The following DCLK2 variants were observed in gnomAD, a reference collection of about 807,000 sequenced individuals.
DCLK2 encodes serine/threonine-protein kinase DCLK2.
DCLK2 carries 31 observed loss-of-function variants against 78.4 expected under a neutral mutation model. The observed-to-expected ratio is 0.40, with a 90% CI of 0.30 to 0.53. DCLK2 has a LOEUF of 0.53. DCLK2 is among the 20% of genes least tolerant of loss of function. The probability of loss-of-function intolerance (pLI) is 0.61; values close to 1 mark genes in which losing one functional copy is unlikely to be tolerated. For missense variants in DCLK2, 872 were observed against 973.7 expected (o/e 0.90, Z 1.39); for synonymous variants, 407 against 374.9 (o/e 1.09, Z -0.99).
chr4:150,178,084 A>G (rs1466190407), intron 2 of DCLK2, among the ~76,000 whole-genome samples: 1 of 152,206 alleles, frequency 6.6e-6, no homozygotes, highest in Non-Finnish European at 1.5e-5. Flanking sequence ...ATTACCTTAA[A>G]ATGAAAACAA....
At chr4:150,171,387 G>A (rs895632391) in intron 2 of DCLK2, among the ~76,000 whole-genome samples, 8 of 152,146 alleles carry the variant, frequency 5.3e-5, no homozygotes, top group Admixed American at 3.3e-4. Context: ...AGGCTGAGGC[G>A]GGAGAATGGT....
rs62338173 is a variant in DCLK2 at position 150,121,940 on chromosome 4, G to A, written c.756+19128G>A. 7.1e-3 allele frequency among the ~76,000 whole-genome samples: 1,083 copies of A among 152,206 alleles called. 6 individuals carry two copies. The highest frequency in any genetic ancestry group is 0.012 in the Non-Finnish European group (798 of 67,990). On this transcript the variant is annotated intron_variant, in intron 2 of 15. Coordinates refer to ENST00000296550, the MANE Select transcript of DCLK2 (RefSeq NM_001040260.4). ...TTTGAAATGAATTTTTTTTCCAGTA[G>A]GTCTCAACAGTGGTACTTAAAATAT...
rs375592229 is a variant in DCLK2 at position 150,219,258 on chromosome 4, C to CTTTTTTTTTT, written c.1057-1427_1057-1418dup. Among the ~76,000 whole-genome samples the CTTTTTTTTTT allele has an allele frequency of 8.3e-5, 6 of 72,134 alleles. 1 individual carries two copies. The highest frequency in any genetic ancestry group is 1.3e-4 in the Non-Finnish European group (5 of 37,582). 47.3% of individuals were successfully genotyped at this position (72,134 alleles called of 152,430 possible). Reference sequence around the variant, plus strand: ...TTACATTCAACAGTTCACAAACATTCTTTTTTTTTTTTTTTTTTTTTTTTT... The same window carrying CTTTTTTTTTT: ...TTACATTCAACAGTTCACAAACATTCTTTTTTTTTTTTTTTTTTTTTTTTTTTTTTTTTTT... On this transcript the variant is annotated intron_variant, in intron 5 of 15. Coordinates refer to ENST00000296550, the MANE Select transcript of DCLK2 (RefSeq NM_001040260.4).
intron 12 of DCLK2, among the ~76,000 whole-genome samples, chr4:150,244,900 T>G (rs1196927465): frequency 6.6e-6 from 1 of 152,138 alleles, no homozygotes; most frequent in Non-Finnish European, 1.5e-5. Flanking sequence ...CACTTCCAGC[T>G]TTTTAGCTAT....
chr4:150,078,852 G>A lies in DCLK2; in HGVS notation c.-176G>A, dbSNP rs149724832. On this transcript the variant is annotated 5_prime_UTR_variant, in exon 1 of 16. Coordinates refer to ENST00000296550, the MANE Select transcript of DCLK2 (RefSeq NM_001040260.4). Reference sequence around the variant, plus strand: ...GCTGCGGACACTTTTAGCTGAGGGCGCGGGCGGGTCGGCTCCTCCGCGGCT... The same window carrying A: ...GCTGCGGACACTTTTAGCTGAGGGCACGGGCGGGTCGGCTCCTCCGCGGCT... 7.9e-3 allele frequency: 5,830 copies of A among 740,780 alleles called. 34 individuals are homozygous for A. The highest frequency in any genetic ancestry group is 0.017 in the Middle Eastern group (43 of 2,516). 45.9% of individuals were successfully genotyped at this position (740,780 alleles called of 1,614,324 possible). A position where few individuals can be genotyped will look rare whatever the true frequency, so the allele number is the denominator to read the frequency against.
intron 2 of DCLK2, among the ~76,000 whole-genome samples, chr4:150,173,608 C>G (rs1736717739): frequency 6.6e-6 from 1 of 152,200 alleles, no homozygotes; most frequent in African/African-American, 2.4e-5. Flanking sequence ...GGAAAAGTCT[C>G]CACTTTTGGC....
intron 2 of DCLK2, among the ~76,000 whole-genome samples, chr4:150,189,860 A>G (rs1261872098): frequency 6.6e-6 from 1 of 151,672 alleles, no homozygotes; most frequent in Non-Finnish European, 1.5e-5. Flanking sequence ...GGAATGATGA[A>G]CAGGGAACAC....
Position 150,248,392 on chromosome 4 carries a change from A to G in DCLK2, c.1956+7A>G. The G allele has an allele frequency of 6.2e-7, 1 of 1,612,648 alleles. No individual in the cohort carries two copies. On this transcript the variant is annotated splice_region_variant and intron_variant, in intron 14 of 15. Coordinates refer to ENST00000296550, the MANE Select transcript of DCLK2 (RefSeq NM_001040260.4). ...GAGTCACCCCTGGGTGTCAGTAAGTACCCACATTCCCAGGGAATGGGCCTC... is the reference window on the plus strand; with the variant it reads ...GAGTCACCCCTGGGTGTCAGTAAGTGCCCACATTCCCAGGGAATGGGCCTC...
chr4:150,209,565 C>G (rs1740133777), intron 5 of DCLK2: 1 of 152,170 alleles, frequency 6.6e-6, no homozygotes, highest in Non-Finnish European at 1.5e-5. Context: ...CTGCTTTGGC[C>G]AGATTATTAA....
chr4:150,248,437 A>G, intron 14 of DCLK2, 52 bp downstream of exon 14: 1 of 1,450,790 alleles, frequency 6.9e-7, no homozygotes, highest in Non-Finnish European at 9.7e-7. Flanking sequence ...TGTGGCCAAC[A>G]GCACGGTTCC....
At chr4:150,098,875 T>C (rs879656527) in intron 1 of DCLK2, among the ~76,000 whole-genome samples, 1 of 152,038 alleles carries the variant, frequency 6.6e-6, no homozygotes, top group Non-Finnish European at 1.5e-5. Flanking sequence ...TTTATATTTT[T>C]AGCAGAGACG....
intron 2 of DCLK2, among the ~76,000 whole-genome samples, chr4:150,126,982 C>T (rs1315396397): frequency 6.6e-6 from 1 of 152,116 alleles, no homozygotes; most frequent in African/African-American, 2.4e-5. Flanking sequence ...CCGTTTGCTT[C>T]AATTTTGGGT....
chr4:150,189,109 A>AT (rs1269884293), intron 2 of DCLK2, among the ~76,000 whole-genome samples: 1 of 151,938 alleles, frequency 6.6e-6, no homozygotes, highest in Admixed American at 6.6e-5. Context: ...AAATTAACTG[A>AT]TTTTTTTCAG....
chr4:150,215,306 A>G (rs1469727862), intron 5 of DCLK2, among the ~76,000 whole-genome samples: 1 of 152,100 alleles, frequency 6.6e-6, no homozygotes, highest in Non-Finnish European at 1.5e-5. Context: ...TTCTGATGCT[A>G]TCTACCTGGA....
Position 150,190,278 on chromosome 4 carries a change from GATA to G in DCLK2, c.757-2859_757-2857del, listed in dbSNP as rs1560851047. Among the ~76,000 whole-genome samples the G allele has an allele frequency of 3.5e-3, 514 of 148,512 alleles. 7 individuals carry two copies. The highest frequency in any genetic ancestry group is 0.013 in the African/African-American group (481 of 38,392). On this transcript the variant is annotated intron_variant, in intron 2 of 15. Transcript: ENST00000296550. ...AGATAGATAGATAGATAGATAGATA[GATA>G]GATAGATAGATAGATAGGCAGACAG...
intron 1 of DCLK2, among the ~76,000 whole-genome samples, chr4:150,098,068 A>C (rs528837349): frequency 5.2e-4 from 79 of 152,254 alleles, no homozygotes; most frequent in African/African-American, 1.9e-3. Flanking sequence ...CTATCATAGC[A>C]TTTGGGCTCT....
In DCLK2 at chr4:150,256,447, T is replaced by C; in HGVS notation, c.*200T>C. ...GCTCTGGGCTCTGCCTTCTGGTTCC[T>C]GGAGGCATCAAAGGCTGCATCCGTT... On this transcript the variant is annotated 3_prime_UTR_variant, in exon 16 of 16. Transcript: ENST00000296550. The C allele has an allele frequency of 1.6e-6, 1 of 643,004 alleles. No individual in the cohort carries two copies. Among genetic ancestry groups the C allele is most frequent in the Non-Finnish European group, 2.5e-6 (1 of 398,024 alleles). The allele number at this position is 643,004 out of a possible 1,614,324, so 39.8% of individuals were successfully genotyped here. A position where few individuals can be genotyped will look rare whatever the true frequency, so the allele number is the denominator to read the frequency against.
Position 150,249,596 on chromosome 4 carries a change from A to G in DCLK2, c.1985A>G (p.Gln662Arg), listed in dbSNP as rs1743595902. The change falls in exon 15 of 16, where the codon CAA (glutamine) becomes CGA (arginine). Residue 662 changes from glutamine to arginine, a missense_variant. Gln to Arg is a conservative substitution (Grantham distance 43). This residue lies in a region of DCLK2 where 219 missense variants were observed against 230.1 expected (regional missense o/e 0.95). Transcript: ENST00000296550. The stretch of plus-strand genomic sequence containing the variant: ...GATGCCTCCCAGGAGAATAACATGC[A>G]AGCTGAGGTGACAGGTAAACTAAAA... ...SDDASQENNM[Q>R]AEVTGKLKQH... 1.9e-6 allele frequency: 3 copies of G among 1,613,766 alleles called. No individual in the cohort carries two copies. In the South Asian group the frequency reaches 3.3e-5, roughly 18 times the overall value.
At chr4:150,223,895 A>C (rs1159016732) in intron 7 of DCLK2, among the ~76,000 whole-genome samples, 1 of 152,162 alleles carries the variant, frequency 6.6e-6, no homozygotes, top group African/African-American at 2.4e-5. Context: ...AGAAATAATG[A>C]AAGTCAGGGG....
Sources: gnomAD v4.1 joint callset for allele counts (sites outside exome capture counted in the v4.1 genomes callset) on GRCh38, gnomAD v4.1.1 for gene constraint, gnomAD v4.1.1 regional missense constraint, MANE v1.5 for transcripts, NCBI Gene and HGNC (gene_info 2026-07-23, HGNC 2026-07-21) for gene names.